Variants in EGF observed in about 807,000 individuals in gnomAD.
The protein encoded by EGF is pro-epidermal growth factor.
EGF carries 95 observed loss-of-function variants against 143.8 expected under a neutral mutation model. The observed-to-expected ratio is 0.66, with a 90% CI of 0.56 to 0.78. The LOEUF (loss-of-function observed/expected upper bound fraction) is 0.78. Ranked by LOEUF, EGF falls within the 30% of genes least tolerant of loss-of-function variation. The pLI is 0.00. For missense variants in EGF, 1,320 were observed against 1,470.9 expected (o/e 0.90, Z 1.68); for synonymous variants, 510 against 510.5 (o/e 1.00, Z 0.01).
chr4:109,943,503 C>G (rs1343262871), intron 3 of EGF, 68 bp downstream of exon 3: 11 of 1,541,882 alleles, frequency 7.1e-6, no homozygotes, highest in Non-Finnish European at 9.8e-6. Context: ...AGAATTATAA[C>G]ATTGTAAATT....
intron 1 of EGF, among the ~76,000 whole-genome samples, chr4:109,915,058 G>A (rs1736381339): frequency 6.6e-6 from 1 of 152,206 alleles, no homozygotes; most frequent in Non-Finnish European, 1.5e-5. Flanking sequence ...TCTGATTCCT[G>A]CTGGCAAGCA....
At chr4:109,933,585 CCAA>C (rs1410951404) in intron 1 of EGF, among the ~76,000 whole-genome samples, 1 of 152,118 alleles carries the variant, frequency 6.6e-6, no homozygotes, top group East Asian at 1.9e-4. Context: ...CCCCCACCTC[CCAA>C]CAGGCCCCGG....
intron 22 of EGF, among the ~76,000 whole-genome samples, chr4:110,004,917 T>A (rs1040419647): frequency 6.6e-6 from 1 of 152,144 alleles, no homozygotes; most frequent in African/African-American, 2.4e-5. Context: ...TTTGTATGTG[T>A]TATGTGAAGG....
chr4:109,967,807 G>A (rs901969176), intron 10 of EGF, among the ~76,000 whole-genome samples: 7 of 152,104 alleles, frequency 4.6e-5, no homozygotes, highest in African/African-American at 7.2e-5. Flanking sequence ...AAACCTGTGC[G>A]GATGTTACTA....
At chr4:109,955,898 C>T (rs534586264) in intron 5 of EGF, among the ~76,000 whole-genome samples, 1 of 151,972 alleles carries the variant, frequency 6.6e-6, no homozygotes, top group African/African-American at 2.4e-5. Context: ...GTGGTGGTGA[C>T]AATGGGGATG....
intron 10 of EGF, among the ~76,000 whole-genome samples, chr4:109,968,009 T>C (rs1486130457): frequency 1.3e-5 from 2 of 152,202 alleles, no homozygotes; most frequent in East Asian, 1.9e-4. Context: ...GGTGAATTAA[T>C]GTGAAGGCTT....
chr4:109,916,606 T>A (rs1306931243), intron 1 of EGF, among the ~76,000 whole-genome samples: 3 of 151,946 alleles, frequency 2.0e-5, no homozygotes, highest in Non-Finnish European at 4.4e-5. Context: ...CTTCTGGGAG[T>A]GGAATCTAGG....
chr4:109,974,747 A>G lies in EGF; in HGVS notation c.1769A>G (p.Lys590Arg), dbSNP rs1336242054. 6.2e-7 allele frequency: 1 copy of G among 1,613,694 alleles called. No individual in the cohort carries two copies. The highest frequency in any genetic ancestry group is 1.1e-5 in the South Asian group (1 of 91,072). The change falls in exon 12 of 24, where the codon AAA (lysine) becomes AGA (arginine). Residue 590 changes from lysine to arginine, a missense_variant. Coordinates refer to ENST00000265171, the MANE Select transcript of EGF (RefSeq NM_001963.6). ...AGTGATTTAAATGGGAAACGTTCCAAAATAATCACTAAGGAGAACATCTCT... is the reference window on the plus strand; with the variant it reads ...AGTGATTTAAATGGGAAACGTTCCAGAATAATCACTAAGGAGAACATCTCT... ...GRSDLNGKRS[K>R]IITKENISQP...
At chr4:109,974,286 C>G (rs1748126602) in intron 11 of EGF, among the ~76,000 whole-genome samples, 1 of 152,116 alleles carries the variant, frequency 6.6e-6, no homozygotes, top group African/African-American at 2.4e-5. Flanking sequence ...AAATCTCCAC[C>G]TACTGTCTCT....
chr4:109,997,050 C>T (rs1404620346), intron 20 of EGF, among the ~76,000 whole-genome samples: 1 of 151,656 alleles, frequency 6.6e-6, no homozygotes, highest in East Asian at 1.9e-4. Context: ...AAATTGGTTT[C>T]CCTGAGCATT....
intron 16 of EGF, 41 bp from the exon 17 acceptor site, chr4:109,987,702 TA>T (rs1750335935): frequency 6.6e-7 from 1 of 1,524,804 alleles, no homozygotes; most frequent in African/African-American, 1.4e-5. Flanking sequence ...TTTTCTTCTC[TA>T]AGGTCTAGAA....
chr4:109,931,470 G>A (rs1419655115), intron 1 of EGF, among the ~76,000 whole-genome samples: 2 of 152,180 alleles, frequency 1.3e-5, no homozygotes, highest in African/African-American at 4.8e-5. Context: ...CCAAGGCAGG[G>A]TGGAGTTGGA....
intron 20 of EGF, among the ~76,000 whole-genome samples, chr4:109,995,835 G>T (rs1403693634): frequency 6.6e-6 from 1 of 152,188 alleles, no homozygotes; most frequent in Non-Finnish European, 1.5e-5. Context: ...ATTTGTGGAA[G>T]AGTAAGCTAT....
intron 13 of EGF, 52 bp downstream of exon 13, chr4:109,976,287 G>A (rs2126104610): frequency 6.8e-7 from 1 of 1,474,856 alleles, no homozygotes; most frequent in African/African-American, 1.4e-5. Flanking sequence ...GTTTATGAGT[G>A]TTAAATACAA....
intron 18 of EGF, among the ~76,000 whole-genome samples, chr4:109,993,020 A>G (rs775535672): frequency 5.9e-5 from 9 of 151,810 alleles, no homozygotes; most frequent in Non-Finnish European, 1.0e-4. Context: ...TGGGTGCAGC[A>G]CACCAACATG....
At chr4:109,942,100 G>A (rs966203733) in intron 2 of EGF, among the ~76,000 whole-genome samples, 1 of 152,120 alleles carries the variant, frequency 6.6e-6, no homozygotes, top group African/African-American at 2.4e-5. Context: ...TAACAAGGAT[G>A]GCTACTCATT....
In EGF at chr4:109,994,771, C is replaced by T. The variant is rs1751531645; in HGVS notation, c.2896C>T (p.His966Tyr). 1 of 1,614,138 alleles carries T rather than the reference C, an allele frequency of 6.2e-7. No individual in the cohort carries two copies. ...CCCTCACCTCAGGGAAGATGACCAC[C>T]ACTATTCCGTAAGAAATAGTGACTC... ...PPPHLREDDH[H>Y]YSVRNSDSEC... The change falls in exon 20 of 24, where the codon CAC (histidine) becomes TAC (tyrosine). Residue 966 changes from histidine to tyrosine, a missense_variant. Transcript: ENST00000265171.
In EGF at chr4:109,943,260, T is replaced by C; in HGVS notation, c.334T>C (p.Cys112Arg). The C allele has an allele frequency of 6.2e-7, 1 of 1,600,854 alleles. No individual in the cohort carries two copies. Among genetic ancestry groups the C allele is most frequent in the Non-Finnish European group, 8.5e-7 (1 of 1,173,482 alleles). The change falls in exon 3 of 24, where the codon TGT (cysteine) becomes CGT (arginine). Residue 112 changes from cysteine to arginine, a missense_variant. Coordinates refer to ENST00000265171, the MANE Select transcript of EGF (RefSeq NM_001963.6). ...TTAAAATTTGATTTTGCAGAGAGTA[T>C]GTAATATAGAGAAAAATGTTTCTGG... is the stretch of plus-strand genomic sequence containing the variant. ...FLNGSRQERVCNIEKNVSGMA... is the reference protein window; with the variant it reads ...FLNGSRQERVRNIEKNVSGMA...
At chr4:109,997,917 T>A (rs983679526) in intron 20 of EGF, among the ~76,000 whole-genome samples, 1 of 152,210 alleles carries the variant, frequency 6.6e-6, no homozygotes, top group African/African-American at 2.4e-5. Context: ...GAGTCTAGAA[T>A]GTCTCAAAAT....
Sources: gnomAD v4.1 joint callset for allele counts (sites outside exome capture counted in the v4.1 genomes callset) on GRCh38, gnomAD v4.1.1 for gene constraint, MANE v1.5 for transcripts, NCBI Gene and HGNC (gene_info 2026-07-23, HGNC 2026-07-21) for gene names.